The following UGT2A2 variants were observed in gnomAD, a reference collection of about 807,000 sequenced individuals.
UGT2A2 encodes the protein UDP glucuronosyltransferase family 2 member A2, also known as UDP-glucuronosyltransferase 2A2.
UGT2A2 carries 60 observed loss-of-function variants against 50.7 expected under a neutral mutation model. That is an observed-to-expected ratio of 1.18 (90% CI 0.96 to 1.47). The LOEUF (loss-of-function observed/expected upper bound fraction) is 1.47. Ranked by LOEUF, UGT2A2 falls within the 40% of genes most tolerant of loss-of-function variation. The probability of loss-of-function intolerance (pLI) is 0.00; values close to 1 mark genes in which losing one functional copy is unlikely to be tolerated. For missense variants in UGT2A2, 762 were observed against 634.0 expected, an observed-to-expected ratio of 1.20 and a Z score of -2.17; for synonymous variants, 242 against 214.6, an observed-to-expected ratio of 1.13 and a Z score of -1.11.
At chr4:69,610,529 A>G (rs1055228718) in intron 1 of UGT2A2, among the ~76,000 whole-genome samples, 1 of 152,208 alleles carries the variant, frequency 6.6e-6, no homozygotes, top group Non-Finnish European at 1.5e-5. Flanking sequence ...ACTTTAAATA[A>G]TCTGTTTTAA....
chr4:69,597,567 C>G (rs1399522617), intron 2 of UGT2A2, among the ~76,000 whole-genome samples: 1 of 152,030 alleles, frequency 6.6e-6, no homozygotes, highest in Non-Finnish European at 1.5e-5. Context: ...TTATGACTAG[C>G]CAAATAACTA....
intron 1 of UGT2A2, among the ~76,000 whole-genome samples, chr4:69,602,321 A>G (rs1300276347): frequency 7.3e-6 from 1 of 137,520 alleles, no homozygotes; most frequent in Non-Finnish European, 1.6e-5. Context: ...ATCAAATGTA[A>G]CCTTTATGTT....
At chr4:69,601,722 C>T (rs1401829911) in intron 1 of UGT2A2, among the ~76,000 whole-genome samples, 1 of 151,384 alleles carries the variant, frequency 6.6e-6, no homozygotes, top group African/African-American at 2.4e-5. Context: ...CCTGCCACCC[C>T]TGTCAGAGCT....
rs1200196024 is a variant in UGT2A2, at chr4:69,588,905, C to T, written c.*467G>A. Reference sequence around the variant, plus strand: ...TAAAAAAGGAAATCATTACCTTTCTCATAACACACTACTCTCCTACGGTGG... The same window carrying T: ...TAAAAAAGGAAATCATTACCTTTCTTATAACACACTACTCTCCTACGGTGG... On this transcript the variant is annotated 3_prime_UTR_variant, in exon 6 of 6. Transcript: ENST00000604629. 3 of 152,472 alleles carry T rather than the reference C, an allele frequency of 2.0e-5. No homozygotes were observed. Among genetic ancestry groups the T allele is most frequent in the Admixed American group, 6.5e-5 (1 of 15,326 alleles). The allele number at this position is 152,472 out of a possible 1,614,324, so 9.4% of individuals were successfully genotyped here. A position where few individuals can be genotyped will look rare whatever the true frequency, so the allele number is the denominator to read the frequency against.
chr4:69,614,469 T>C (rs1720254576), intron 1 of UGT2A2, among the ~76,000 whole-genome samples: 1 of 151,692 alleles, frequency 6.6e-6, no homozygotes, highest in South Asian at 2.1e-4. Flanking sequence ...AAAATATATA[T>C]ATATCTAAAC....
intron 1 of UGT2A2, among the ~76,000 whole-genome samples, chr4:69,637,755 T>TA (rs1315792200): frequency 6.6e-6 from 1 of 152,108 alleles, no homozygotes; most frequent in Non-Finnish European, 1.5e-5. Context: ...TTCCATGAGA[T>TA]AGAGAATTTG....
intron 1 of UGT2A2, among the ~76,000 whole-genome samples, chr4:69,611,699 C>T (rs1467205711): frequency 1.3e-5 from 2 of 152,068 alleles, no homozygotes; most frequent in African/African-American, 2.4e-5. Context: ...CTTTACAAAT[C>T]ACTTTTGAGT....
chr4:69,599,344 T>A lies in UGT2A2; in HGVS notation c.793A>T (p.Ile265Phe). The A allele has an allele frequency of 6.2e-7, 1 of 1,613,840 alleles. No homozygotes were observed. The highest frequency in any genetic ancestry group is 8.5e-7 in the Non-Finnish European group (1 of 1,179,916). Reference sequence around the variant, plus strand: ...AATTCAAAATCCCAATATGTTCGGATTAACCAAATTTCAGCTTTCCCCATA... The same window carrying A: ...AATTCAAAATCCCAATATGTTCGGAATAACCAAATTTCAGCTTTCCCCATA... The part of the protein sequence containing the change: ...ETMGKAEIWL[I>F]RTYWDFEFPR... The change falls in exon 2 of 6, where the codon ATC (isoleucine) becomes TTC (phenylalanine). Residue 265 changes from isoleucine to phenylalanine, a missense_variant. Physicochemically the swap from Ile to Phe is conservative, Grantham distance 21. Coordinates refer to ENST00000604629, the MANE Select transcript of UGT2A2 (RefSeq NM_001105677.2).
rs900704027 is a variant in UGT2A2 at position 69,602,190 on chromosome 4, G to A, written c.743-2796C>T. Among the ~76,000 whole-genome samples, 32 of 126,430 alleles carry A rather than the reference G, an allele frequency of 2.5e-4. 9 individuals are homozygous for A. The highest frequency in any genetic ancestry group is 8.5e-4 in the African/African-American group (26 of 30,708). The allele number at this position is 126,430 out of a possible 152,430, so 82.9% of individuals were successfully genotyped here. On this transcript the variant is annotated intron_variant, in intron 1 of 5. Coordinates refer to ENST00000604629, the MANE Select transcript of UGT2A2 (RefSeq NM_001105677.2). The stretch of plus-strand genomic sequence containing the variant: ...TCACCTTATTAGAAGGTAAAAAGAG[G>A]AAAATCCTATCATCTCAAGCAATAA...
intron 2 of UGT2A2, among the ~76,000 whole-genome samples, chr4:69,598,088 TTC>T (rs1474240557): frequency 6.6e-6 from 1 of 152,118 alleles, no homozygotes; most frequent in African/African-American, 2.4e-5. Flanking sequence ...TCATGAATAT[TTC>T]TGTGTCTTTA....
In UGT2A2 at chr4:69,635,600, C is replaced by T. The variant is rs576552399; in HGVS notation, c.742+3299G>A. On this transcript the variant is annotated intron_variant, in intron 1 of 5. Transcript: ENST00000604629. ...ATCCCAGCAATTTGTGAGGCCAAGG[C>T]GGGTGGATAACTTGAGGTCAGGAAC... 37 of 175,406 alleles carry T rather than the reference C, an allele frequency of 2.1e-4. 1 individual carries two copies. The South Asian group carries it at 2.9e-3, about 14-fold the overall frequency. 10.9% of individuals were successfully genotyped at this position (175,406 alleles called of 1,614,324 possible).
intron 1 of UGT2A2, among the ~76,000 whole-genome samples, chr4:69,638,165 T>C (rs958671256): frequency 6.6e-6 from 1 of 152,150 alleles, no homozygotes; most frequent in Non-Finnish European, 1.5e-5. Flanking sequence ...TGTTAATTCC[T>C]GCTATTGATT....
At chr4:69,634,232 G>A (rs1213925356) in intron 1 of UGT2A2, among the ~76,000 whole-genome samples, 6 of 151,138 alleles carry the variant, frequency 4.0e-5, no homozygotes, top group Non-Finnish European at 7.4e-5. Flanking sequence ...GCGACAGAGC[G>A]AGACTCCATC....
Position 69,639,318 on chromosome 4 carries a change from G to A in UGT2A2, c.323C>T (p.Pro108Leu), listed in dbSNP as rs188429658. 4.5e-4 allele frequency: 728 copies of A among 1,613,628 alleles called. 1 individual carries two copies. In the African/African-American group the frequency reaches 8.7e-3, roughly 19 times the overall value. Residue 108 changes from proline to leucine, a missense_variant, in exon 1 of 6, where the codon CCA becomes CTA. Pro to Leu is a moderately conservative substitution (Grantham distance 98, BLOSUM62 -3). Transcript: ENST00000604629. Reference protein sequence around the residue: ...HMIMLWIDHRPTPLTIWAFYK... With the variant: ...HMIMLWIDHRLTPLTIWAFYK... Reference sequence around the variant, plus strand: ...GAAAGCCCATATTGTGAGAGGAGTTGGTCTATGGTCAATCCACAGCATTAT... The same window carrying A: ...GAAAGCCCATATTGTGAGAGGAGTTAGTCTATGGTCAATCCACAGCATTAT...
chr4:69,594,462 A>T lies in UGT2A2; in HGVS notation c.1331+15T>A, dbSNP rs1560466378. 6.2e-7 allele frequency: 1 copy of T among 1,608,498 alleles called. No homozygotes were observed. Among genetic ancestry groups the T allele is most frequent in the Non-Finnish European group, 8.5e-7 (1 of 1,178,132 alleles). On this transcript the variant is annotated intron_variant, in intron 5 of 5. Coordinates refer to ENST00000604629, the MANE Select transcript of UGT2A2 (RefSeq NM_001105677.2). ...AATTAAAGTTAGGCAAGTTTTTAGG[A>T]GCCTTAGTACTTACGAAGGTTCATT...
chr4:69,610,858 T>C (rs1719993200), intron 1 of UGT2A2, among the ~76,000 whole-genome samples: 1 of 152,158 alleles, frequency 6.6e-6, no homozygotes, highest in Middle Eastern at 3.2e-3. Context: ...CTTGTATTAG[T>C]TTGCTAGCAC....
chr4:69,619,850 T>G (rs1383516874), intron 1 of UGT2A2, among the ~76,000 whole-genome samples: 1 of 151,986 alleles, frequency 6.6e-6, no homozygotes, highest in Non-Finnish European at 1.5e-5. Context: ...TGGTTCAACA[T>G]ACACAAATCA....
chr4:69,617,994 G>T (rs1720500206), intron 1 of UGT2A2, among the ~76,000 whole-genome samples: 1 of 151,744 alleles, frequency 6.6e-6, no homozygotes, highest in African/African-American at 2.4e-5. Context: ...ATTCACATTT[G>T]GGATTTAATG....
chr4:69,639,372 C>A lies in UGT2A2; in HGVS notation c.269G>T (p.Ser90Ile). 1 of 1,613,624 alleles carries A rather than the reference C, an allele frequency of 6.2e-7. No homozygotes were observed. The highest frequency in any genetic ancestry group is 1.3e-5 in the African/African-American group (1 of 75,026). ...ATGCTCAATTAAGGAATCTATATTG[C>A]TCTTCTTGTAGGAAACAGGTATCAC... ...FEVIPVSYKK[S>I]NIDSLIEHMI... The change falls in exon 1 of 6, where the codon AGC becomes ATC. Residue 90 changes from serine to isoleucine, a missense_variant. Transcript: ENST00000604629.
Sources: allele counts gnomAD v4.1 joint callset (sites outside exome capture counted in the v4.1 genomes callset), GRCh38; gene constraint gnomAD v4.1.1; transcripts MANE v1.5; gene names NCBI Gene and HGNC (gene_info 2026-07-23, HGNC 2026-07-21).